Variants in KANK1 observed in about 807,000 individuals in gnomAD.
KANK1 encodes the protein KN motif and ankyrin repeat domains 1.
In KANK1, 109 loss-of-function variants were observed where a neutral mutation model predicts 106.2. The ratio of observed to expected loss-of-function variants is 1.03; its 90% CI spans 0.88 to 1.20. The LOEUF (loss-of-function observed/expected upper bound fraction) is 1.20, where lower values mean the gene tolerates loss of function less well. Ranked by LOEUF, KANK1 falls within the 50% of genes most tolerant of loss-of-function variation. KANK1 has a pLI of 0.00. For synonymous variants in KANK1, 873 were observed against 652.2 expected (o/e 1.34, Z -5.16); for missense variants, 2,399 against 1,710.7 (o/e 1.40, Z -7.10).
intron 1 of KANK1, among the ~76,000 whole-genome samples, chr9:533,929 T>G (rs1271336739): frequency 6.6e-6 from 1 of 152,220 alleles, no homozygotes; most frequent in African/African-American, 2.4e-5. Context: ...TACGAGGACC[T>G]GGAGATTGAC....
rs1825970461 is a variant in KANK1 at position 711,215 on chromosome 9, A to G, written c.449A>G (p.His150Arg). The part of the protein sequence containing the change: ...LPPPSPQLPK[H>R]NLHVTKTLME... ...CCTCCCTCACCACAACTCCCAAAGC[A>G]TAACCTTCATGTCACCAAGACACTG... is the stretch of plus-strand genomic sequence containing the variant. The change falls in exon 3 of 12, where the codon CAT (histidine) becomes CGT (arginine). Residue 150 changes from histidine to arginine, a missense_variant. Transcript: ENST00000382297. 1.9e-6 allele frequency: 3 copies of G among 1,614,174 alleles called. No individual in the cohort carries two copies. The highest frequency in any genetic ancestry group is 1.7e-6 in the Non-Finnish European group (2 of 1,180,026).
In KANK1 at chr9:712,691, C is replaced by T; in HGVS notation, c.1925C>T (p.Pro642Leu). Residue 642 changes from proline (P) to leucine (L), a missense_variant, in exon 3 of 12, where the codon CCA (proline) becomes CTA (leucine). Coordinates refer to ENST00000382297, the MANE Select transcript of KANK1 (RefSeq NM_015158.5). Reference protein sequence around the residue: ...DCSVDVTVCSPKECASRGVNT... With the variant: ...DCSVDVTVCSLKECASRGVNT... ...TCTGTTGACGTGACCGTCTGCTCTCCAAAGGAGTGCGCCTCCCGGGGCGTG... is the reference window on the plus strand; with the variant it reads ...TCTGTTGACGTGACCGTCTGCTCTCTAAAGGAGTGCGCCTCCCGGGGCGTG... The T allele has an allele frequency of 6.2e-7, 1 of 1,614,096 alleles. No individual in the cohort carries two copies. The highest frequency in any genetic ancestry group is 8.5e-7 in the Non-Finnish European group (1 of 1,179,996).
chr9:479,953 G>T (rs1039503517), intron 3 of KANK1, among the ~76,000 whole-genome samples: 14 of 152,216 alleles, frequency 9.2e-5, no homozygotes, highest in African/African-American at 3.1e-4. Context: ...ATATGGAAAT[G>T]ATTTTTCCTG....
intron 3 of KANK1, chr9:484,489 C>G (rs2058258310): frequency 6.6e-6 from 1 of 152,236 alleles, no homozygotes; most frequent in Admixed American, 6.5e-5. Context: ...AAAAGAGCCT[C>G]AAGCACTGTA....
At position 563,522 on chromosome 9, in the gene KANK1, C is replaced by G. The variant is rs535808052; in HGVS notation, c.-84+58768C>G. On this transcript the variant is annotated intron_variant, in intron 1 of 11. Transcript: ENST00000382297. The stretch of plus-strand genomic sequence containing the variant: ...TGAAAATATAAGGCTATTAATAAGC[C>G]TCATAAGTACTTTGCATTGTTGAAA... Among the ~76,000 whole-genome samples, 12 of 152,272 alleles carry G rather than the reference C, an allele frequency of 7.9e-5. No individual in the cohort carries two copies. The South Asian group carries it at 2.5e-3, about 32-fold the overall frequency.
chr9:710,783 A>T (rs370272903), intron 2 of KANK1, 21 bp from the exon 3 acceptor site: 4 of 1,550,172 alleles, frequency 2.6e-6, no homozygotes, highest in African/African-American at 1.4e-5. Flanking sequence ...TCATTATAAT[A>T]TTCTTTTCTC....
chr9:708,718 G>A (rs1027083705), intron 2 of KANK1, among the ~76,000 whole-genome samples: 2 of 152,140 alleles, frequency 1.3e-5, no homozygotes, highest in Non-Finnish European at 2.9e-5. Context: ...CAGGTTTGCT[G>A]GAAGTTACTT....
At chr9:631,753 C>G (rs747179698) in intron 1 of KANK1, among the ~76,000 whole-genome samples, 2 of 152,300 alleles carry the variant, frequency 1.3e-5, no homozygotes, top group African/African-American at 4.8e-5. Context: ...CTCACACACC[C>G]CATTCTGTGG....
chr9:728,019 A>C (rs554844285), intron 3 of KANK1, among the ~76,000 whole-genome samples: 1 of 152,256 alleles, frequency 6.6e-6, no homozygotes, highest in African/African-American at 2.4e-5. Context: ...ACAACTGACC[A>C]GCATTAACAT....
At chr9:508,934 C>G (rs966109364) in intron 1 of KANK1, among the ~76,000 whole-genome samples, 12 of 152,116 alleles carry the variant, frequency 7.9e-5, no homozygotes, top group Admixed American at 3.3e-4. Context: ...GTAGAATTTC[C>G]CAGTTCCAAA....
rs187779620 is a variant in KANK1 at position 541,788 on chromosome 9, C to A, written c.-84+37034C>A. 3.0e-4 allele frequency among the ~76,000 whole-genome samples: 45 copies of A among 152,058 alleles called. No homozygotes were observed. The East Asian group carries it at 6.6e-3, about 22-fold the overall frequency. On this transcript the variant is annotated intron_variant, in intron 1 of 11. Coordinates refer to ENST00000382297, the MANE Select transcript of KANK1 (RefSeq NM_015158.5). Reference sequence around the variant, plus strand: ...AACTCAATAGCAAGAAAATAAATAACCGGATTAAAAAAATGAACAGGCCGG... The same window carrying A: ...AACTCAATAGCAAGAAAATAAATAAACGGATTAAAAAAATGAACAGGCCGG...
At chr9:732,746 T>C in intron 6 of KANK1, 129 bp downstream of exon 6, 1 of 992,748 alleles carries the variant, frequency 1.0e-6, no homozygotes, top group South Asian at 1.6e-5. Context: ...TATACACATC[T>C]TGAGATACTA....
At position 505,547 on chromosome 9, in the gene KANK1, C is replaced by A. The variant is rs373195003; in HGVS notation, c.-84+793C>A. On this transcript the variant is annotated intron_variant, in intron 1 of 11. Coordinates refer to ENST00000382297, the MANE Select transcript of KANK1 (RefSeq NM_015158.5). Reference sequence around the variant, plus strand: ...CTCGCGGCAGCCACGGCTCCTTGACCGTTCATCTCCTTCACCCGGGTCCCG... The same window carrying A: ...CTCGCGGCAGCCACGGCTCCTTGACAGTTCATCTCCTTCACCCGGGTCCCG... Among the ~76,000 whole-genome samples, 9 of 152,334 alleles carry A rather than the reference C, an allele frequency of 5.9e-5. No homozygotes were observed. In the East Asian group the frequency reaches 1.5e-3, roughly 26 times the overall value.
At chr9:546,985 C>T (rs943971292) in intron 1 of KANK1, among the ~76,000 whole-genome samples, 15 of 152,176 alleles carry the variant, frequency 9.9e-5, no homozygotes, top group African/African-American at 3.4e-4. Flanking sequence ...GCAGCTCTCC[C>T]AGCATTTTGG....
At chr9:587,219 G>A (rs753036279) in intron 1 of KANK1, among the ~76,000 whole-genome samples, 1 of 152,110 alleles carries the variant, frequency 6.6e-6, no homozygotes, top group Non-Finnish European at 1.5e-5. Flanking sequence ...TTAGAGGTAC[G>A]AATCTGTTCC....
chr9:692,549 AT>A (rs1320773207), intron 2 of KANK1, among the ~76,000 whole-genome samples: 1 of 148,238 alleles, frequency 6.7e-6, no homozygotes, highest in Non-Finnish European at 1.5e-5. Flanking sequence ...GCTGTTTTAC[AT>A]ACCATAGAAT....
At chr9:744,873 G>A (rs1469528983) in intron 11 of KANK1, 3 of 1,411,902 alleles carry the variant, frequency 2.1e-6, no homozygotes, top group African/African-American at 2.9e-5. Context: ...CAGCCCCTGA[G>A]CCCATGGGGA....
At chr9:548,393 T>C (rs2061064154) in intron 1 of KANK1, among the ~76,000 whole-genome samples, 1 of 152,198 alleles carries the variant, frequency 6.6e-6, no homozygotes, top group Non-Finnish European at 1.5e-5. Flanking sequence ...CTGAGCTTTT[T>C]ATTGTTGTAC....
At chr9:681,586 G>T (rs12342627) in intron 2 of KANK1, among the ~76,000 whole-genome samples, 1 of 152,152 alleles carries the variant, frequency 6.6e-6, no homozygotes, top group Non-Finnish European at 1.5e-5. Flanking sequence ...AGGTGGTTGT[G>T]CAGGGAAAAA....
Sources: allele counts gnomAD v4.1 joint callset (sites outside exome capture counted in the v4.1 genomes callset), GRCh38; gene constraint gnomAD v4.1.1; transcripts MANE v1.5; gene names NCBI Gene and HGNC (gene_info 2026-07-23, HGNC 2026-07-21).